The following SHC4 variants were observed in gnomAD, a reference collection of about 807,000 sequenced individuals.
The protein encoded by SHC4 is SHC adaptor protein 4.
In SHC4, 41 loss-of-function variants were observed where a neutral mutation model predicts 69.4. The observed-to-expected ratio is 0.59, with a 90% CI of 0.46 to 0.77. SHC4 has a LOEUF of 0.77. SHC4 is among the 30% of genes least tolerant of loss of function. The pLI is 0.00. For synonymous variants in SHC4, 318 were observed against 299.3 expected (o/e 1.06, Z -0.64); for missense variants, 777 against 783.8 (o/e 0.99, Z 0.10).
chr15:48,890,553 C>A (rs1449997611), intron 3 of SHC4, among the ~76,000 whole-genome samples, 195 bp downstream of exon 3: 7 of 152,156 alleles, frequency 4.6e-5, no homozygotes, highest in African/African-American at 1.7e-4. Flanking sequence ...GGAGGTATCA[C>A]CACGTCGGAC....
chr15:48,853,641 A>G (rs1191173666), intron 8 of SHC4, among the ~76,000 whole-genome samples: 1 of 152,188 alleles, frequency 6.6e-6, no homozygotes, highest in Non-Finnish European at 1.5e-5. Flanking sequence ...AAAATCACAA[A>G]CATAGACTAA....
intron 5 of SHC4, 39 bp downstream of exon 5, chr15:48,872,050 T>C: frequency 7.4e-7 from 1 of 1,346,182 alleles, no homozygotes; most frequent in Non-Finnish European, 1.0e-6. Flanking sequence ...AAGAAGTTAT[T>C]TTAACTCATA....
At chr15:48,916,787 A>G (rs1369484898) in intron 2 of SHC4, among the ~76,000 whole-genome samples, 1 of 152,188 alleles carries the variant, frequency 6.6e-6, no homozygotes, top group Admixed American at 6.5e-5. Context: ...ACTGCTTCTT[A>G]GTTGCCCAGT....
chr15:48,892,595 A>G (rs1403608019), intron 2 of SHC4, among the ~76,000 whole-genome samples: 3 of 152,176 alleles, frequency 2.0e-5, no homozygotes, highest in African/African-American at 7.2e-5. Context: ...TACTGCCGAA[A>G]TAGCTAGTCC....
intron 3 of SHC4, among the ~76,000 whole-genome samples, chr15:48,890,325 C>T (rs1381337044): frequency 6.6e-6 from 1 of 152,082 alleles, no homozygotes; most frequent in Non-Finnish European, 1.5e-5. Flanking sequence ...GGCCAGGAAG[C>T]CTAAAAAGTC....
intron 11 of SHC4, among the ~76,000 whole-genome samples, chr15:48,829,828 A>G (rs1003280655): frequency 5.3e-5 from 8 of 152,234 alleles, no homozygotes; most frequent in African/African-American, 1.9e-4. Context: ...CTGAGGCAGA[A>G]GAATCACTTG....
At chr15:48,910,609 GGGTTT>G (rs1900491085) in intron 2 of SHC4, among the ~76,000 whole-genome samples, 1 of 151,850 alleles carries the variant, frequency 6.6e-6, no homozygotes, top group Admixed American at 6.6e-5. Context: ...TGCTGGGTTT[GGGTTT>G]GGTTTGTTCT....
intron 4 of SHC4, among the ~76,000 whole-genome samples, chr15:48,873,846 T>C (rs911294185): frequency 6.6e-6 from 1 of 152,198 alleles, no homozygotes; most frequent in African/African-American, 2.4e-5. Flanking sequence ...ATGTAATGCT[T>C]TTTGGAAAAC....
intron 10 of SHC4, among the ~76,000 whole-genome samples, chr15:48,836,023 C>CAAAAAAAAAACAAA (rs1898891809): frequency 1.7e-5 from 1 of 60,140 alleles, no homozygotes; most frequent in Non-Finnish European, 2.9e-5. Context: ...ACAAAAAATC[C>CAAAAAAAAAACAAA]AAAAAAAAAA....
chr15:48,942,363 A>G (rs895753332), intron 1 of SHC4, among the ~76,000 whole-genome samples: 3 of 152,200 alleles, frequency 2.0e-5, no homozygotes, highest in Non-Finnish European at 4.4e-5. Flanking sequence ...TTAAAATCGA[A>G]CATAGATTTT....
At chr15:48,945,729 G>GGCT (rs10645516) in intron 1 of SHC4, among the ~76,000 whole-genome samples, 139,074 of 151,998 alleles carry the variant, frequency 0.91, 63,834 homozygotes, top group Admixed American at 0.95. Flanking sequence ...AAGAGGGAGT[G>GGCT]GCTAATGGTT....
At chr15:48,923,907 C>T (rs1301736433) in intron 2 of SHC4, among the ~76,000 whole-genome samples, 2 of 152,114 alleles carry the variant, frequency 1.3e-5, no homozygotes, top group Non-Finnish European at 2.9e-5. Flanking sequence ...TTCTGAGTTG[C>T]TGGGATTACA....
chr15:48,877,732 C>A, intron 4 of SHC4: 1 of 244,730 alleles, frequency 4.1e-6, no homozygotes, highest in Non-Finnish European at 6.6e-6. Flanking sequence ...TCTTAATATG[C>A]TGATCTGTGG....
chr15:48,932,306 C>A (rs1469754004), intron 1 of SHC4, among the ~76,000 whole-genome samples: 1 of 152,122 alleles, frequency 6.6e-6, no homozygotes, highest in East Asian at 1.9e-4. Context: ...ATAAAATTCC[C>A]AGGCTCTGAG....
At chr15:48,894,337 T>C (rs930872903) in intron 2 of SHC4, among the ~76,000 whole-genome samples, 2 of 152,182 alleles carry the variant, frequency 1.3e-5, no homozygotes, top group African/African-American at 4.8e-5. Context: ...GTAAACAATG[T>C]TATGTTTTAC....
intron 1 of SHC4, among the ~76,000 whole-genome samples, chr15:48,934,721 C>A (rs1901035843): frequency 6.6e-6 from 1 of 151,780 alleles, no homozygotes; most frequent in Non-Finnish European, 1.5e-5. Flanking sequence ...GATGAATGGA[C>A]AAATAAAAGG....
chr15:48,849,682 G>A (rs763668601), intron 9 of SHC4, among the ~76,000 whole-genome samples: 36 of 152,180 alleles, frequency 2.4e-4, no homozygotes, highest in East Asian at 3.8e-4. Flanking sequence ...TGCGTGGTAC[G>A]TTCCTGACTA....
intron 1 of SHC4, among the ~76,000 whole-genome samples, chr15:48,950,313 C>T (rs886521709): frequency 6.0e-5 from 9 of 149,650 alleles, no homozygotes; most frequent in African/African-American, 1.2e-4. Context: ...AACTTCTAAC[C>T]GATCATTAGG....
chr15:48,847,421 C>A (rs574273307), intron 9 of SHC4, among the ~76,000 whole-genome samples: 1 of 152,170 alleles, frequency 6.6e-6, no homozygotes, highest in Admixed American at 6.5e-5. Context: ...GGGAATTTTT[C>A]CATAAGTATG....
Sources: gnomAD v4.1 joint callset for allele counts (sites outside exome capture counted in the v4.1 genomes callset) on GRCh38, gnomAD v4.1.1 for gene constraint, MANE v1.5 for transcripts, NCBI Gene and HGNC (gene_info 2026-07-23, HGNC 2026-07-21) for gene names.